ALG11: variants seen among roughly 807,000 people sequenced by gnomAD.
The protein encoded by ALG11 is GDP-Man:Man(3)GlcNAc(2)-PP-Dol alpha-1,2-mannosyltransferase.
A neutral mutation model predicts 38.8 loss-of-function variants in ALG11; 26 were observed. The observed-to-expected ratio is 0.67, with a 90% CI of 0.49 to 0.93. The LOEUF is 0.93. Among genes scored for constraint, ALG11 ranks in the 40% least tolerant of loss-of-function variants. The pLI is 0.00. For missense variants in ALG11, 535 were observed against 578.8 expected, an observed-to-expected ratio of 0.92 and a Z score of 0.78; for synonymous variants, 199 against 211.6, an observed-to-expected ratio of 0.94 and a Z score of 0.52.
At chr13:52,025,211 T>C (rs1253984820) in intron 3 of ALG11, among the ~76,000 whole-genome samples, 3 of 152,264 alleles carry the variant, frequency 2.0e-5, no homozygotes, top group Non-Finnish European at 2.9e-5. Flanking sequence ...ATAGGTGTTA[T>C]TGTTATTCCC....
intron 3 of ALG11, 69 bp downstream of exon 3, chr13:52,025,006 G>T (rs1954227361): frequency 1.3e-6 from 2 of 1,495,088 alleles, no homozygotes; most frequent in Non-Finnish European, 1.8e-6. Context: ...TTGATAAAAT[G>T]ATAATACTCT....
chr13:52,020,530 C>T (rs141026269), intron 2 of ALG11: 3 of 152,164 alleles, frequency 2.0e-5, no homozygotes, highest in African/African-American at 7.2e-5. Flanking sequence ...TTCCCAACTC[C>T]GTGATGCTTT....
rs143914311 is a variant in ALG11 at position 52,030,389 on chromosome 13, C to A, written c.*1799C>A. ...TTTTCAAAATAAGGAGCTTCCCAGA[C>A]CTGTGTTAGAAGGACAGCAGTCAGA... On this transcript the variant is annotated 3_prime_UTR_variant, in exon 4 of 4. Coordinates refer to ENST00000521508, the MANE Select transcript of ALG11 (RefSeq NM_001004127.3). 10 of 1,614,036 alleles carry A rather than the reference C, an allele frequency of 6.2e-6. No individual in the cohort carries two copies. Among genetic ancestry groups the A allele is most frequent in the African/African-American group, 1.3e-5 (1 of 74,894 alleles).
chr13:52,026,675 G>A (rs1426128048), intron 3 of ALG11, among the ~76,000 whole-genome samples: 3 of 152,168 alleles, frequency 2.0e-5, no homozygotes, highest in Admixed American at 2.0e-4. Context: ...AATGGTGTTG[G>A]CTTTCTCCCA....
In ALG11 at chr13:52,029,229, A is replaced by G. The variant is rs773822260; in HGVS notation, c.*639A>G. ...AGTAAAACCTCACAGGTCCTCTCCA[A>G]ATGGGACCCTATCATCCTGAAGAAC... is the stretch of plus-strand genomic sequence containing the variant. On this transcript the variant is annotated 3_prime_UTR_variant, in exon 4 of 4. Transcript: ENST00000521508. The G allele has an allele frequency of 6.8e-6, 11 of 1,614,198 alleles. No homozygotes were observed. Among genetic ancestry groups the G allele is most frequent in the African/African-American group, 1.3e-5 (1 of 75,050 alleles).
rs1301318731 is a variant in ALG11 at position 52,032,852 on chromosome 13, G to T, written c.*4262G>T. 3 of 167,058 alleles carry T rather than the reference G, an allele frequency of 1.8e-5. No individual in the cohort carries two copies. The highest frequency in any genetic ancestry group is 4.4e-5 in the Non-Finnish European group (3 of 68,102). 10.3% of individuals were successfully genotyped at this position (167,058 alleles called of 1,614,324 possible). The stretch of plus-strand genomic sequence containing the variant: ...CTAAAGAATTTAGTAGATTCCTTCA[G>T]TGTCACAAAGCTGTTTCATGAAAGA... On this transcript the variant is annotated 3_prime_UTR_variant, in exon 4 of 4. Transcript: ENST00000521508.
Position 52,024,608 on chromosome 13 carries a change from A to T in ALG11, c.878A>T (p.His293Leu), listed in dbSNP as rs757152270. 1.2e-6 allele frequency: 2 copies of T among 1,613,932 alleles called. No homozygotes were observed. Among genetic ancestry groups the T allele is most frequent in the Non-Finnish European group, 1.7e-6 (2 of 1,179,874 alleles). The change falls in exon 3 of 4, where the codon CAT becomes CTT. Residue 293 changes from histidine to leucine, a missense_variant. His to Leu is a moderately conservative substitution (Grantham distance 99). Transcript: ENST00000521508. ...DVQTFLDIPL[H>L]EKKMTPGHLL... Reference sequence around the variant, plus strand: ...CAGACATTTCTGGACATTCCCTTACATGAGAAAAAGATGACCCCAGGACAT... The same window carrying T: ...CAGACATTTCTGGACATTCCCTTACTTGAGAAAAAGATGACCCCAGGACAT...
Position 52,025,346 on chromosome 13 carries a change from C to G in ALG11, c.1207+409C>G, listed in dbSNP as rs76059989. 3.1e-3 allele frequency among the ~76,000 whole-genome samples: 472 copies of G among 152,312 alleles called. 4 individuals are homozygous for G. Among genetic ancestry groups the G allele is most frequent in the African/African-American group, 0.01 (421 of 41,576 alleles). On this transcript the variant is annotated intron_variant, in intron 3 of 3. Transcript: ENST00000521508. ...CCTGCTCTTAACAGCAACATTTTCT[C>G]TCTCCATCTAACCCCACTACATACT...
At chr13:52,022,454 G>C (rs1250876652) in intron 2 of ALG11, 1 of 152,180 alleles carries the variant, frequency 6.6e-6, no homozygotes, top group Non-Finnish European at 1.5e-5. Context: ...ATTTTAAAAG[G>C]CTCATTCTTG....
chr13:52,014,149 A>G (rs1306132569), intron 1 of ALG11, among the ~76,000 whole-genome samples: 1 of 152,240 alleles, frequency 6.6e-6, no homozygotes, highest in African/African-American at 2.4e-5. Flanking sequence ...TGTCTAAGTT[A>G]GCCTGAATTT....
chr13:52,029,505 C>A lies in ALG11; in HGVS notation c.*915C>A. On this transcript the variant is annotated 3_prime_UTR_variant, in exon 4 of 4. Coordinates refer to ENST00000521508, the MANE Select transcript of ALG11 (RefSeq NM_001004127.3). ...CTTCAGAGGGCTCGGGCTCTGCAGTCCTACTATGAGGCCAAGGCTCGAAAA... is the reference window on the plus strand; with the variant it reads ...CTTCAGAGGGCTCGGGCTCTGCAGTACTACTATGAGGCCAAGGCTCGAAAA... 1.2e-6 allele frequency: 2 copies of A among 1,614,114 alleles called. No individual in the cohort carries two copies. The highest frequency in any genetic ancestry group is 1.7e-6 in the Non-Finnish European group (2 of 1,180,038).
At position 52,030,117 on chromosome 13, in the gene ALG11, C is replaced by A. The variant is rs553729135; in HGVS notation, c.*1527C>A. 3 of 1,614,206 alleles carry A rather than the reference C, an allele frequency of 1.9e-6. No homozygotes were observed. The African/African-American group carries it at 4.0e-5, about 22-fold the overall frequency. Reference sequence around the variant, plus strand: ...AAAAGATCTGAGCTCAACCAGGATGCTGAGCCAGCAAGCAGTCAAGAAACA... The same window carrying A: ...AAAAGATCTGAGCTCAACCAGGATGATGAGCCAGCAAGCAGTCAAGAAACA... On this transcript the variant is annotated 3_prime_UTR_variant, in exon 4 of 4. Coordinates refer to ENST00000521508, the MANE Select transcript of ALG11 (RefSeq NM_001004127.3).
rs771614925 is a variant in ALG11 at position 52,030,018 on chromosome 13, G to A, written c.*1428G>A. On this transcript the variant is annotated 3_prime_UTR_variant, in exon 4 of 4. Transcript: ENST00000521508. ...CTTGCAGCTCATGAGGTTTCTGCAA[G>A]TGAGGCAGAAGAAAGACCAGTGGCA... 6.2e-7 allele frequency: 1 copy of A among 1,614,244 alleles called. No homozygotes were observed. The highest frequency in any genetic ancestry group is 8.5e-7 in the Non-Finnish European group (1 of 1,180,046).
In ALG11 at chr13:52,029,596, A is replaced by G; in HGVS notation, c.*1006A>G. On this transcript the variant is annotated 3_prime_UTR_variant, in exon 4 of 4. Transcript: ENST00000521508. The stretch of plus-strand genomic sequence containing the variant: ...AGAAAGGAAAGGCCAAGAAAGCCTT[A>G]AAAGAGTTTGAGCAGCTACAGAAGG... 1.2e-6 allele frequency: 2 copies of G among 1,614,254 alleles called. No individual in the cohort carries two copies.
chr13:52,025,537 T>C (rs1219969076), intron 3 of ALG11, among the ~76,000 whole-genome samples: 2 of 152,194 alleles, frequency 1.3e-5, no homozygotes, highest in Admixed American at 6.5e-5. Flanking sequence ...ACAGTAACTC[T>C]TTTAGTCTTT....
rs147300902 is a variant in ALG11, at chr13:52,029,350, C to T, written c.*760C>T. Reference sequence around the variant, plus strand: ...TCAGTGGCTGGAAGGCAAGAACTCCCCTGGAGCAGGAAATTTTTAACCTCC... The same window carrying T: ...TCAGTGGCTGGAAGGCAAGAACTCCTCTGGAGCAGGAAATTTTTAACCTCC... On this transcript the variant is annotated 3_prime_UTR_variant, in exon 4 of 4. Coordinates refer to ENST00000521508, the MANE Select transcript of ALG11 (RefSeq NM_001004127.3). 2 of 1,614,016 alleles carry T rather than the reference C, an allele frequency of 1.2e-6. No individual in the cohort carries two copies. Among genetic ancestry groups the T allele is most frequent in the African/African-American group, 2.7e-5 (2 of 74,894 alleles).
Position 52,029,809 on chromosome 13 carries a change from A to G in ALG11, c.*1219A>G, listed in dbSNP as rs761061010. On this transcript the variant is annotated 3_prime_UTR_variant, in exon 4 of 4. Transcript: ENST00000521508. Reference sequence around the variant, plus strand: ...CCAAGAACAAAGAACTGACACAGAAACTCCAGGTAGCCTCTGAGAGTGAGG... The same window carrying G: ...CCAAGAACAAAGAACTGACACAGAAGCTCCAGGTAGCCTCTGAGAGTGAGG... 32 of 1,614,078 alleles carry G rather than the reference A, an allele frequency of 2.0e-5. No homozygotes were observed. Among genetic ancestry groups the G allele is most frequent in the Non-Finnish European group, 2.7e-5 (32 of 1,180,046 alleles).
Position 52,024,099 on chromosome 13 carries a change from A to G in ALG11, c.369A>G (p.Arg123=). 1.2e-6 allele frequency: 2 copies of G among 1,614,136 alleles called. No homozygotes were observed. Among genetic ancestry groups the G allele is most frequent in the Non-Finnish European group, 1.7e-6 (2 of 1,180,002 alleles). The change falls in exon 3 of 4, where the codon AGA becomes AGG. Residue 123 remains arginine (R), a synonymous_variant. Transcript: ENST00000521508. ...GTGCTTTCAGAAGATTTAACATCAG[A>G]TTAATTCACCCAGTGCAGTTTGTTT... ...LEGAFRRFNI[R]LIHPVQFVFL...
rs1342010746 is a variant in ALG11 at position 52,024,280 on chromosome 13, C to T, written c.550C>T (p.Leu184=). The change falls in exon 3 of 4, where the codon CTG becomes TTG. Residue 184 remains leucine (L), a synonymous_variant. Coordinates refer to ENST00000521508, the MANE Select transcript of ALG11 (RefSeq NM_001004127.3). Reference sequence around the variant, plus strand: ...AATGGGATACGCTTTTACGCTTCCTCTGTTTAAGTATATAGGGGGTTGCCA... The same window carrying T: ...AATGGGATACGCTTTTACGCTTCCTTTGTTTAAGTATATAGGGGGTTGCCA... ...DSMGYAFTLP[L]FKYIGGCQVG... 1 of 1,614,144 alleles carries T rather than the reference C, an allele frequency of 6.2e-7. No homozygotes were observed. The highest frequency in any genetic ancestry group is 8.5e-7 in the Non-Finnish European group (1 of 1,180,030).
Sources: gnomAD v4.1 joint callset for allele counts (sites outside exome capture counted in the v4.1 genomes callset) on GRCh38, gnomAD v4.1.1 for gene constraint, MANE v1.5 for transcripts, NCBI Gene and HGNC (gene_info 2026-07-23, HGNC 2026-07-21) for gene names.